ATP8B4: variants seen among roughly 807,000 people sequenced by gnomAD.
The protein encoded by ATP8B4 is ATPase phospholipid transporting 8B4 (putative).
Under a neutral mutation model 145.6 loss-of-function variants are expected in ATP8B4, and 133 were observed. That is an observed-to-expected ratio of 0.91 (90% CI 0.79 to 1.05). The LOEUF (loss-of-function observed/expected upper bound fraction) is 1.05. ATP8B4 is among the 50% of genes least tolerant of loss of function. The pLI is 0.00. For missense variants in ATP8B4, 1,458 were observed against 1,425.2 expected (o/e 1.02, Z -0.37); for synonymous variants, 507 against 492.9 (o/e 1.03, Z -0.38).
At chr15:50,012,253 ACTT>A (rs2048770409) in intron 6 of ATP8B4, among the ~76,000 whole-genome samples, 1 of 152,172 alleles carries the variant, frequency 6.6e-6, no homozygotes, top group African/African-American at 2.4e-5. Flanking sequence ...CCTTAGTGAC[ACTT>A]CTCAGCAAAC....
intron 3 of ATP8B4, among the ~76,000 whole-genome samples, chr15:50,073,681 G>C (rs1186108254): frequency 6.6e-6 from 1 of 152,166 alleles, no homozygotes; most frequent in African/African-American, 2.4e-5. Flanking sequence ...TTCCAGAATG[G>C]TGGGAGTGGA....
At chr15:50,165,864 G>A (rs1344828686) in intron 1 of ATP8B4, among the ~76,000 whole-genome samples, 1 of 151,922 alleles carries the variant, frequency 6.6e-6, no homozygotes, top group East Asian at 1.9e-4. Flanking sequence ...AGAGAGAAGA[G>A]AGATAACAGA....
chr15:49,989,194 C>T (rs151202563), intron 9 of ATP8B4, among the ~76,000 whole-genome samples: 1 of 152,314 alleles, frequency 6.6e-6, no homozygotes, highest in African/African-American at 2.4e-5. Context: ...CTGATTTAAA[C>T]TGGCTCAAGT....
At chr15:50,070,476 C>T (rs1195678265) in intron 3 of ATP8B4, among the ~76,000 whole-genome samples, 1 of 152,174 alleles carries the variant, frequency 6.6e-6, no homozygotes, top group Non-Finnish European at 1.5e-5. Flanking sequence ...CTGAGAGAGG[C>T]TCCACAGTTC....
At chr15:49,880,125 G>A (rs969241332) in intron 23 of ATP8B4, 6 of 152,214 alleles carry the variant, frequency 3.9e-5, no homozygotes, top group Admixed American at 2.0e-4. Flanking sequence ...CGGTTACAGA[G>A]CTTATTATGG....
intron 16 of ATP8B4, among the ~76,000 whole-genome samples, chr15:49,928,300 G>GA (rs1216865265): frequency 6.6e-6 from 1 of 152,116 alleles, no homozygotes; most frequent in Non-Finnish European, 1.5e-5. Context: ...GGTAACATTT[G>GA]AATTGGACAT....
chr15:49,931,980 G>A (rs927175299), intron 15 of ATP8B4, among the ~76,000 whole-genome samples: 1 of 151,338 alleles, frequency 6.6e-6, no homozygotes, highest in African/African-American at 2.4e-5. Flanking sequence ...TAAGTTATAT[G>A]TATATATACA....
chr15:49,917,944 G>A (rs996741710), intron 19 of ATP8B4, among the ~76,000 whole-genome samples: 14 of 152,214 alleles, frequency 9.2e-5, no homozygotes, highest in East Asian at 3.9e-4. Context: ...GTAACACACC[G>A]GAGTGCTCAA....
At chr15:50,019,022 A>T (rs1206437959) in intron 6 of ATP8B4, 1 of 944,154 alleles carries the variant, frequency 1.1e-6, no homozygotes, top group Non-Finnish European at 1.5e-6. Flanking sequence ...TAAATCCATG[A>T]ATGACAAATC....
chr15:50,155,560 G>T (rs913512086), intron 1 of ATP8B4, among the ~76,000 whole-genome samples: 10 of 151,878 alleles, frequency 6.6e-5, no homozygotes, highest in Non-Finnish European at 1.5e-5. Context: ...TGAACTAAAA[G>T]GTATTTGGGT....
Position 50,043,037 on chromosome 15 carries a change from T to A in ATP8B4, c.300+1557A>T, listed in dbSNP as rs571721854. Among the ~76,000 whole-genome samples, 196 of 152,338 alleles carry A rather than the reference T, an allele frequency of 1.3e-3. 1 individual carries two copies. The highest frequency in any genetic ancestry group is 4.6e-3 in the African/African-American group (190 of 41,564). ...TTTATTAAAAATTATTAGCCTACTATATATGCTGTCTACAAGAAAACCATT... is the reference window on the plus strand; with the variant it reads ...TTTATTAAAAATTATTAGCCTACTAAATATGCTGTCTACAAGAAAACCATT... On this transcript the variant is annotated intron_variant, in intron 5 of 27. Transcript: ENST00000284509.
intron 2 of ATP8B4, 39 bp from the exon 3 acceptor site, chr15:50,074,224 G>A (rs1487824985): frequency 1.4e-5 from 22 of 1,546,904 alleles, no homozygotes; most frequent in Non-Finnish European, 1.9e-5. Flanking sequence ...TAAATTGTAG[G>A]CCCAGAGAAA....
intron 5 of ATP8B4, among the ~76,000 whole-genome samples, chr15:50,041,564 C>A (rs1369104725): frequency 6.6e-6 from 1 of 152,158 alleles, no homozygotes; most frequent in African/African-American, 2.4e-5. Flanking sequence ...GGCAACCTCA[C>A]AGGAATCAGT....
chr15:50,054,783 C>CAAAAAAAAAAAAAAAAAAAAAAAAA (rs55783703), intron 3 of ATP8B4, among the ~76,000 whole-genome samples: 2 of 81,838 alleles, frequency 2.4e-5, no homozygotes. Context: ...GACTCCGCCT[C>CAAAAAAAAAAAAAAAAAAAAAAAAA]AAAAAAAAAA....
At chr15:49,899,396 T>G (rs904827237) in intron 21 of ATP8B4, among the ~76,000 whole-genome samples, 2 of 152,162 alleles carry the variant, frequency 1.3e-5, no homozygotes, top group African/African-American at 4.8e-5. Flanking sequence ...GAGAGCCATG[T>G]TCTATTCACA....
At chr15:49,989,185 T>G (rs1048514096) in intron 9 of ATP8B4, among the ~76,000 whole-genome samples, 1 of 152,218 alleles carries the variant, frequency 6.6e-6, no homozygotes, top group Non-Finnish European at 1.5e-5. Context: ...AAATTAAAAC[T>G]GATTTAAACT....
intron 13 of ATP8B4, among the ~76,000 whole-genome samples, chr15:49,966,839 G>A (rs1015862229): frequency 5.3e-5 from 8 of 152,170 alleles, no homozygotes; most frequent in Admixed American, 2.6e-4. Context: ...ATCTCCCAGC[G>A]GAGGTCGACA....
intron 2 of ATP8B4, among the ~76,000 whole-genome samples, chr15:50,078,087 T>C (rs2054298230): frequency 6.6e-6 from 1 of 151,920 alleles, no homozygotes; most frequent in Non-Finnish European, 1.5e-5. Context: ...TAATGCTGAA[T>C]ACAGGTAGAA....
rs2031187423 is a variant in ATP8B4, at chr15:49,859,138, AC to A, written c.*1055del. 6.6e-6 allele frequency: 1 copy of A among 152,230 alleles called. No individual in the cohort carries two copies. Among genetic ancestry groups the A allele is most frequent in the Non-Finnish European group, 1.5e-5 (1 of 68,034 alleles). 9.4% of individuals were successfully genotyped at this position (152,230 alleles called of 1,614,324 possible). ...TTTGAGCTGCAACATCTCCAAAAAA[AC>A]AACCTTACCTACATATGTTTACTAC... On this transcript the variant is annotated 3_prime_UTR_variant, in exon 28 of 28. Transcript: ENST00000284509.
Sources: gnomAD v4.1 joint callset for allele counts (sites outside exome capture counted in the v4.1 genomes callset) on GRCh38, gnomAD v4.1.1 for gene constraint, MANE v1.5 for transcripts, NCBI Gene and HGNC (gene_info 2026-07-23, HGNC 2026-07-21) for gene names.